Variants in ZC3H12C observed in about 807,000 individuals in gnomAD.
The protein encoded by ZC3H12C is probable ribonuclease ZC3H12C.
A neutral mutation model predicts 76.3 loss-of-function variants in ZC3H12C; 20 were observed. That is an observed-to-expected ratio of 0.26 (90% CI 0.18 to 0.38). The LOEUF (loss-of-function observed/expected upper bound fraction) is 0.38. ZC3H12C is among the 10% of genes least tolerant of loss of function. ZC3H12C has a pLI of 1.00. For synonymous variants in ZC3H12C, 352 were observed against 399.6 expected (o/e 0.88, Z 1.42); for missense variants, 874 against 1,086.5 (o/e 0.80, Z 2.75).
In ZC3H12C at chr11:110,152,277, A is replaced by G. The variant is rs894047928; in HGVS notation, c.774-642A>G. On this transcript the variant is annotated intron_variant, in intron 2 of 5. Coordinates refer to ENST00000278590, the MANE Select transcript of ZC3H12C (RefSeq NM_033390.2). ...TTTGAATGCCCTTTTGTCATCATTA[A>G]TCCTTGTCCAACACGATATAGTTGA... Among the ~76,000 whole-genome samples, 17 of 152,310 alleles carry G rather than the reference A, an allele frequency of 1.1e-4. 1 individual carries two copies. Among genetic ancestry groups the G allele is most frequent in the African/African-American group, 2.9e-4 (12 of 41,576 alleles).
chr11:110,135,052 A>G (rs1861930803), intron 1 of ZC3H12C, among the ~76,000 whole-genome samples: 1 of 152,206 alleles, frequency 6.6e-6, no homozygotes, highest in Non-Finnish European at 1.5e-5. Context: ...TAGTGTAAAT[A>G]TGATGTTGAA....
intron 1 of ZC3H12C, among the ~76,000 whole-genome samples, chr11:110,096,151 T>A (rs1389406318): frequency 2.0e-5 from 3 of 152,230 alleles, no homozygotes; most frequent in Admixed American, 1.3e-4. Flanking sequence ...TTGCAATTAA[T>A]AGTTCAGAGA....
chr11:110,131,747 A>T (rs1861870434), intron 1 of ZC3H12C: 1 of 152,348 alleles, frequency 6.6e-6, no homozygotes, highest in South Asian at 2.1e-4. Context: ...AGGGGAAGGG[A>T]GGAAGAAACA....
intron 1 of ZC3H12C, among the ~76,000 whole-genome samples, chr11:110,109,267 T>C (rs1469595841): frequency 4.6e-5 from 7 of 152,194 alleles, no homozygotes; most frequent in Non-Finnish European, 1.0e-4. Flanking sequence ...AAAGGATTCT[T>C]TGTTAGGAAT....
chr11:110,112,444 G>A (rs919401236), intron 1 of ZC3H12C, among the ~76,000 whole-genome samples: 11 of 152,134 alleles, frequency 7.2e-5, no homozygotes, highest in African/African-American at 1.7e-4. Context: ...TCCTGCCTCC[G>A]CCTCCCAAAG....
chr11:110,134,142 G>T (rs1014984371), intron 1 of ZC3H12C, among the ~76,000 whole-genome samples: 1 of 152,040 alleles, frequency 6.6e-6, no homozygotes, highest in African/African-American at 2.4e-5. Context: ...TTTCAGGGGA[G>T]ATCAAAAATG....
At chr11:110,100,561 T>TG (rs1861195600) in intron 1 of ZC3H12C, among the ~76,000 whole-genome samples, 1 of 152,242 alleles carries the variant, frequency 6.6e-6, no homozygotes, top group Non-Finnish European at 1.5e-5. Flanking sequence ...TTTGTGTTGC[T>TG]GGGTCACGTC....
At chr11:110,102,330 A>T (rs1354070329) in intron 1 of ZC3H12C, among the ~76,000 whole-genome samples, 1 of 150,926 alleles carries the variant, frequency 6.6e-6, no homozygotes, top group Non-Finnish European at 1.5e-5. Context: ...AATTTGGAAG[A>T]AGTTGACTCT....
intron 3 of ZC3H12C, among the ~76,000 whole-genome samples, chr11:110,158,022 A>T (rs1028492173): frequency 1.3e-5 from 2 of 152,168 alleles, no homozygotes; most frequent in Admixed American, 6.5e-5. Flanking sequence ...TTTTTAAAAA[A>T]AATCATGACA....
At chr11:110,137,986 T>G (rs116303829) in intron 2 of ZC3H12C, among the ~76,000 whole-genome samples, 2,281 of 152,136 alleles carry the variant, frequency 0.015, 58 homozygotes, top group African/African-American at 0.051. Context: ...AGGCAGGGTG[T>G]CTCACACTTG....
chr11:110,112,681 T>C (rs951283824), intron 1 of ZC3H12C, among the ~76,000 whole-genome samples: 2 of 152,164 alleles, frequency 1.3e-5, no homozygotes, highest in African/African-American at 4.8e-5. Context: ...CCAGAGGCCC[T>C]TTTCCTTGCC....
At chr11:110,098,141 G>A (rs1861147583) in intron 1 of ZC3H12C, among the ~76,000 whole-genome samples, 1 of 152,254 alleles carries the variant, frequency 6.6e-6, no homozygotes, top group South Asian at 2.1e-4. Flanking sequence ...ACCTTCCAGT[G>A]GGACAAAATG....
At chr11:110,112,673 A>G (rs1291446722) in intron 1 of ZC3H12C, among the ~76,000 whole-genome samples, 2 of 152,188 alleles carry the variant, frequency 1.3e-5, no homozygotes, top group Non-Finnish European at 1.5e-5. Context: ...GTTGCCTGCC[A>G]GAGGCCCTTT....
intron 1 of ZC3H12C, among the ~76,000 whole-genome samples, chr11:110,106,528 A>C (rs1005336433): frequency 4.6e-5 from 7 of 152,150 alleles, no homozygotes; most frequent in Non-Finnish European, 8.8e-5. Flanking sequence ...AAATGTCCCT[A>C]AGCTTCAGTT....
rs533791105 is a variant in ZC3H12C, at chr11:110,101,374, G to A, written c.21+7942G>A. Among the ~76,000 whole-genome samples, 7 of 152,216 alleles carry A rather than the reference G, an allele frequency of 4.6e-5. No homozygotes were observed. The South Asian group carries it at 1.2e-3, about 27-fold the overall frequency. On this transcript the variant is annotated intron_variant, in intron 1 of 5. Coordinates refer to ENST00000278590, the MANE Select transcript of ZC3H12C (RefSeq NM_033390.2). ...TCTATAGACTAAACAGCTTTATATT[G>A]GAAGAAAATGCCATCTAAGACTTTT...
In ZC3H12C at chr11:110,107,815, A is replaced by G. The variant is rs962717243; in HGVS notation, c.21+14383A>G. On this transcript the variant is annotated intron_variant, in intron 1 of 5. Transcript: ENST00000278590. ...AGTGCTGGGATTACAGGTGTGAGCC[A>G]CTGCACCTGGCCAATTTTTCCATTT... Among the ~76,000 whole-genome samples the G allele has an allele frequency of 6.0e-4, 91 of 152,176 alleles. 2 individuals are homozygous for G. Among genetic ancestry groups the G allele is most frequent in the Admixed American group, 2.0e-4 (3 of 15,274 alleles).
In ZC3H12C at chr11:110,165,927, C is replaced by T; in HGVS notation, c.*190C>T. 3.4e-6 allele frequency: 2 copies of T among 580,000 alleles called. No individual in the cohort carries two copies. Among genetic ancestry groups the T allele is most frequent in the Admixed American group, 3.7e-5 (1 of 27,130 alleles). 35.9% of individuals were successfully genotyped at this position (580,000 alleles called of 1,614,324 possible). A position where few individuals can be genotyped will look rare whatever the true frequency, so the allele number is the denominator to read the frequency against. ...GTGGAAGTATCACGGGATTGCTTTA[C>T]ATTTAAACTTTTTTTTTTTAACATT... is the stretch of plus-strand genomic sequence containing the variant. On this transcript the variant is annotated 3_prime_UTR_variant, in exon 6 of 6. Transcript: ENST00000278590.
At chr11:110,113,212 T>C (rs1300341711) in intron 1 of ZC3H12C, among the ~76,000 whole-genome samples, 2 of 152,218 alleles carry the variant, frequency 1.3e-5, no homozygotes, top group African/African-American at 4.8e-5. Context: ...GGAGATTGTA[T>C]GATGTTGAGT....
chr11:110,106,442 A>G (rs1861329614), intron 1 of ZC3H12C, among the ~76,000 whole-genome samples: 1 of 152,218 alleles, frequency 6.6e-6, no homozygotes, highest in Admixed American at 6.5e-5. Flanking sequence ...CATTTTGTAC[A>G]GTCAGAGAGA....
Sources: allele counts gnomAD v4.1 joint callset (sites outside exome capture counted in the v4.1 genomes callset), GRCh38; gene constraint gnomAD v4.1.1; transcripts MANE v1.5; gene names NCBI Gene and HGNC (gene_info 2026-07-23, HGNC 2026-07-21).